Variants in RANBP17 observed in about 807,000 individuals in gnomAD.
The protein encoded by RANBP17 is ran-binding protein 17.
A neutral mutation model predicts 141.2 loss-of-function variants in RANBP17; 158 were observed. The ratio of observed to expected loss-of-function variants is 1.12; its 90% CI spans 0.98 to 1.28. RANBP17 has a LOEUF of 1.28. RANBP17 is among the 50% of genes most tolerant of loss of function. The pLI is 0.00. For synonymous variants in RANBP17, 430 were observed against 450.0 expected (o/e 0.96, Z 0.56); for missense variants, 1,438 against 1,290.7 (o/e 1.11, Z -1.75).
intron 25 of RANBP17, among the ~76,000 whole-genome samples, chr5:171,281,472 G>T (rs76724300): frequency 0.034 from 5,148 of 152,254 alleles, 127 homozygotes; most frequent in Non-Finnish European, 0.055. Flanking sequence ...AACCCCTTAA[G>T]ACTGGAAGGA....
intron 14 of RANBP17, among the ~76,000 whole-genome samples, chr5:171,114,335 C>T (rs1755461205): frequency 6.6e-6 from 1 of 152,106 alleles, no homozygotes; most frequent in African/African-American, 2.4e-5. Flanking sequence ...GCCTTCCTTA[C>T]AAGTTGTCAG....
intron 14 of RANBP17, among the ~76,000 whole-genome samples, chr5:170,975,672 C>G (rs1245819793): frequency 6.6e-6 from 1 of 152,166 alleles, no homozygotes; most frequent in Admixed American, 6.5e-5. Context: ...CACTAATCCC[C>G]CTTATAATTC....
intron 14 of RANBP17, among the ~76,000 whole-genome samples, chr5:170,990,435 T>A (rs894315193): frequency 6.6e-6 from 1 of 151,938 alleles, no homozygotes; most frequent in Non-Finnish European, 1.5e-5. Context: ...CTGGTACATT[T>A]ATTTTTTTCC....
intron 14 of RANBP17, among the ~76,000 whole-genome samples, chr5:171,129,822 TTC>T (rs1756772015): frequency 1.3e-5 from 2 of 152,190 alleles, no homozygotes; most frequent in South Asian, 2.1e-4. Flanking sequence ...CTTGTAGAGT[TTC>T]TCTGTTACGA....
rs929163214 is a variant in RANBP17, at chr5:171,081,096, T to G, written c.1711-89034T>G. ...AAGTTCGTCTGACTAGTGATAGAAC[T>G]GATACTTAAAACCCTAGTCCATCTG... On this transcript the variant is annotated intron_variant, in intron 14 of 27. Transcript: ENST00000523189. Among the ~76,000 whole-genome samples, 9 of 152,212 alleles carry G rather than the reference T, an allele frequency of 5.9e-5. No homozygotes were observed. In the East Asian group the frequency reaches 1.7e-3, roughly 29 times the overall value.
chr5:171,203,567 T>C (rs538623549), intron 19 of RANBP17, among the ~76,000 whole-genome samples: 6 of 152,138 alleles, frequency 3.9e-5, no homozygotes, highest in Non-Finnish European at 7.4e-5. Context: ...AATGAAACAT[T>C]GATATAATTT....
chr5:171,076,595 C>T (rs1784939948), intron 14 of RANBP17, among the ~76,000 whole-genome samples: 1 of 152,068 alleles, frequency 6.6e-6, no homozygotes, highest in Non-Finnish European at 1.5e-5. Context: ...CCTTGTTATA[C>T]CAAATAGCAA....
chr5:171,220,372 T>C (rs752623002), intron 21 of RANBP17, among the ~76,000 whole-genome samples: 4 of 151,674 alleles, frequency 2.6e-5, no homozygotes, highest in Non-Finnish European at 5.9e-5. Context: ...GCCTTCTGCA[T>C]TGGTCTCGCT....
At chr5:171,171,160 C>A in intron 15 of RANBP17, 46 bp from the exon 16 acceptor site, 2 of 1,043,040 alleles carry the variant, frequency 1.9e-6, no homozygotes, top group Non-Finnish European at 2.9e-6. Context: ...TCTCCTTAGA[C>A]AAGCAAATAT....
chr5:171,040,745 G>T (rs1418387257), intron 14 of RANBP17, among the ~76,000 whole-genome samples: 1 of 152,120 alleles, frequency 6.6e-6, no homozygotes, highest in African/African-American at 2.4e-5. Context: ...AGTTAAAAAT[G>T]TAAAAAGTTA....
At chr5:171,233,540 T>C (rs914387569) in intron 22 of RANBP17, among the ~76,000 whole-genome samples, 3 of 151,956 alleles carry the variant, frequency 2.0e-5, no homozygotes, top group Admixed American at 6.6e-5. Flanking sequence ...ACCCAGACAA[T>C]GGAATGTTAT....
intron 14 of RANBP17, chr5:171,161,399 CT>C: frequency 5.1e-6 from 1 of 197,280 alleles, no homozygotes; most frequent in Non-Finnish European, 1.1e-5. Flanking sequence ...AAACTTTGTG[CT>C]TTTTAGGTTG....
rs906663641 is a variant in RANBP17, at chr5:171,205,618, C to G, written c.2231+6C>G. The G allele has an allele frequency of 6.2e-7, 1 of 1,607,428 alleles. No homozygotes were observed. Among genetic ancestry groups the G allele is most frequent in the Non-Finnish European group, 8.5e-7 (1 of 1,174,024 alleles). ...ACCATGCTGTTTGACTGGATGTATC[C>G]TTATTACACTGTGACAATACCAGCT... On this transcript the variant is annotated splice_donor_region_variant and intron_variant, in intron 20 of 27. Transcript: ENST00000523189.
intron 14 of RANBP17, among the ~76,000 whole-genome samples, chr5:170,981,847 G>A (rs1004776993): frequency 6.6e-6 from 1 of 152,148 alleles, no homozygotes; most frequent in African/African-American, 2.4e-5. Context: ...GTAGTTAGGT[G>A]ATTTGCACTA....
At chr5:170,977,497 A>G (rs1330697653) in intron 14 of RANBP17, among the ~76,000 whole-genome samples, 1 of 152,108 alleles carries the variant, frequency 6.6e-6, no homozygotes, top group Non-Finnish European at 1.5e-5. Context: ...TCTTATGTAT[A>G]TATCCAAGAA....
intron 21 of RANBP17, among the ~76,000 whole-genome samples, chr5:171,214,902 T>A (rs1382498879): frequency 6.6e-6 from 1 of 152,090 alleles, no homozygotes; most frequent in Non-Finnish European, 1.5e-5. Flanking sequence ...TTTTTTTAAA[T>A]TTAAGTTCTG....
At chr5:171,134,766 C>A (rs547855199) in intron 14 of RANBP17, among the ~76,000 whole-genome samples, 19 of 149,318 alleles carry the variant, frequency 1.3e-4, no homozygotes, top group African/African-American at 4.4e-4. Context: ...ACAAAAAATA[C>A]AAAAATTGAC....
At chr5:171,071,806 T>G (rs1292969405) in intron 14 of RANBP17, among the ~76,000 whole-genome samples, 1 of 152,004 alleles carries the variant, frequency 6.6e-6, no homozygotes, top group East Asian at 1.9e-4. Flanking sequence ...CTCCATAATT[T>G]TGACTTAGGT....
intron 14 of RANBP17, among the ~76,000 whole-genome samples, chr5:171,033,490 G>T (rs535632621): frequency 7.2e-5 from 11 of 152,146 alleles, no homozygotes; most frequent in Admixed American, 2.6e-4. Flanking sequence ...CTCTTTGGAA[G>T]AATATGTTGC....
Sources: gnomAD v4.1 joint callset for allele counts (sites outside exome capture counted in the v4.1 genomes callset) on GRCh38, gnomAD v4.1.1 for gene constraint, MANE v1.5 for transcripts, NCBI Gene and HGNC (gene_info 2026-07-23, HGNC 2026-07-21) for gene names.